The following LCLAT1 variants were observed in gnomAD, a reference collection of about 807,000 sequenced individuals.
LCLAT1 encodes 1-AGP acyltransferase 8.
A neutral mutation model predicts 30.7 loss-of-function variants in LCLAT1; 11 were observed. The ratio of observed to expected loss-of-function variants is 0.36; its 90% CI spans 0.23 to 0.59. The LOEUF is 0.59. Ranked by LOEUF, LCLAT1 falls within the 20% of genes least tolerant of loss-of-function variation. LCLAT1 has a pLI of 0.77. For missense variants in LCLAT1, 402 were observed against 458.6 expected (o/e 0.88, Z 1.13); for synonymous variants, 155 against 151.3 (o/e 1.02, Z -0.18).
intron 5 of LCLAT1, chr2:30,607,360 T>C (rs1219309651): frequency 6.6e-6 from 1 of 152,110 alleles, no homozygotes; most frequent in Non-Finnish European, 1.5e-5. Context: ...ATAGATGTCT[T>C]CTTGTGTACC....
chr2:30,571,512 C>G (rs1402935865), intron 5 of LCLAT1, among the ~76,000 whole-genome samples: 1 of 150,216 alleles, frequency 6.7e-6, no homozygotes. Flanking sequence ...TACTGCACAA[C>G]TAGCTAACAG....
At chr2:30,611,710 G>A (rs561875983) in intron 5 of LCLAT1, among the ~76,000 whole-genome samples, 2 of 152,238 alleles carry the variant, frequency 1.3e-5, no homozygotes, top group Admixed American at 6.5e-5. Context: ...TGGGCTCTGG[G>A]CATAGCAGCA....
intron 2 of LCLAT1, among the ~76,000 whole-genome samples, chr2:30,528,813 C>G (rs75981370): frequency 0.01 from 1,555 of 152,270 alleles, 30 homozygotes; most frequent in African/African-American, 0.034. Context: ...GTTTAGTTTA[C>G]TAGTTACAGC....
chr2:30,494,952 G>A (rs1684031216), intron 1 of LCLAT1, among the ~76,000 whole-genome samples: 2 of 141,598 alleles, frequency 1.4e-5, no homozygotes, highest in Non-Finnish European at 3.1e-5. Context: ...CATGAAGTGT[G>A]ATTTTTTTTT....
intron 3 of LCLAT1, among the ~76,000 whole-genome samples, chr2:30,555,532 T>C (rs1357943412): frequency 3.9e-5 from 6 of 152,164 alleles, no homozygotes; most frequent in African/African-American, 1.4e-4. Context: ...TTGCAACTGT[T>C]GGGTGATTTC....
At chr2:30,596,294 C>G (rs1413628962) in intron 5 of LCLAT1, among the ~76,000 whole-genome samples, 6 of 152,104 alleles carry the variant, frequency 3.9e-5, no homozygotes, top group Admixed American at 3.9e-4. Flanking sequence ...CACAGCCTTG[C>G]CAGCATCTGT....
intron 5 of LCLAT1, among the ~76,000 whole-genome samples, chr2:30,619,404 TAGTC>T (rs1198385466): frequency 6.6e-6 from 1 of 152,194 alleles, no homozygotes; most frequent in Non-Finnish European, 1.5e-5. Flanking sequence ...ACCCTGGCAT[TAGTC>T]AGTAAACCTC....
chr2:30,470,994 A>G (rs1682754895), intron 1 of LCLAT1, among the ~76,000 whole-genome samples: 1 of 148,872 alleles, frequency 6.7e-6, no homozygotes, highest in Non-Finnish European at 1.5e-5. Flanking sequence ...GCTCACTGCA[A>G]CCTCTGCCTC....
At chr2:30,635,163 A>T (rs1485651549) in intron 5 of LCLAT1, among the ~76,000 whole-genome samples, 1 of 151,994 alleles carries the variant, frequency 6.6e-6, no homozygotes, top group Non-Finnish European at 1.5e-5. Context: ...ACTTTGGGAG[A>T]ATGAAGTGGG....
chr2:30,592,771 A>C (rs1383889399), intron 5 of LCLAT1, among the ~76,000 whole-genome samples: 1 of 152,234 alleles, frequency 6.6e-6, no homozygotes, highest in Non-Finnish European at 1.5e-5. Flanking sequence ...CCAATCTGCT[A>C]CTAACACTTA....
At chr2:30,486,573 G>T (rs1683566247) in intron 1 of LCLAT1, among the ~76,000 whole-genome samples, 1 of 152,104 alleles carries the variant, frequency 6.6e-6, no homozygotes, top group Admixed American at 6.6e-5. Context: ...CTCCTTCCCA[G>T]TTATGTGCCA....
intron 5 of LCLAT1, among the ~76,000 whole-genome samples, chr2:30,574,097 G>A (rs1258999985): frequency 1.3e-5 from 2 of 151,868 alleles, no homozygotes; most frequent in Non-Finnish European, 2.9e-5. Flanking sequence ...AGCTGAGATT[G>A]CACCACTATA....
chr2:30,515,631 C>T (rs145064216), intron 1 of LCLAT1, among the ~76,000 whole-genome samples: 68 of 152,286 alleles, frequency 4.5e-4, no homozygotes, highest in African/African-American at 1.4e-3. Flanking sequence ...TCAGGATTAT[C>T]TACAGTTCAC....
intron 3 of LCLAT1, among the ~76,000 whole-genome samples, chr2:30,557,416 A>G (rs1664976411): frequency 1.3e-5 from 2 of 149,970 alleles, no homozygotes; most frequent in South Asian, 2.1e-4. Flanking sequence ...AATTCACATC[A>G]ATTTTTTTTT....
chr2:30,559,597 T>G (rs182252364), intron 3 of LCLAT1, among the ~76,000 whole-genome samples: 11 of 152,250 alleles, frequency 7.2e-5, no homozygotes, highest in Non-Finnish European at 5.9e-5. Flanking sequence ...CTCACCTTTT[T>G]ATTATTATAG....
intron 3 of LCLAT1, among the ~76,000 whole-genome samples, chr2:30,545,272 A>G (rs1270679061): frequency 6.6e-6 from 1 of 152,140 alleles, no homozygotes; most frequent in Non-Finnish European, 1.5e-5. Flanking sequence ...TCAACTATAT[A>G]CTGTTTGAGA....
chr2:30,525,451 T>C (rs141652769), intron 1 of LCLAT1, 136 bp from the exon 2 acceptor site: 487 of 673,276 alleles, frequency 7.2e-4, no homozygotes, highest in African/African-American at 5.8e-3. Flanking sequence ...TCTTTGAAAT[T>C]CAGACTCTTA....
rs537422288 is a variant in LCLAT1, at chr2:30,528,992, C to T, written c.165+3237C>T. Among the ~76,000 whole-genome samples, 105 of 152,186 alleles carry T rather than the reference C, an allele frequency of 6.9e-4. 1 individual carries two copies. The highest frequency in any genetic ancestry group is 2.4e-3 in the African/African-American group (98 of 41,522). ...CTTTTATCACCTTTTATCTCATACT[C>T]GTACAAGGAGCTAAAGGAGTTTTTA... On this transcript the variant is annotated intron_variant, in intron 2 of 5. Transcript: ENST00000379509.
At chr2:30,524,139 CAT>C (rs1685600697) in intron 1 of LCLAT1, among the ~76,000 whole-genome samples, 3 of 152,008 alleles carry the variant, frequency 2.0e-5, no homozygotes. Context: ...TTTTCTCTAA[CAT>C]AGTTTAGGTT....
Sources: allele counts gnomAD v4.1 joint callset (sites outside exome capture counted in the v4.1 genomes callset), GRCh38; gene constraint gnomAD v4.1.1; transcripts MANE v1.5; gene names NCBI Gene and HGNC (gene_info 2026-07-23, HGNC 2026-07-21).